GRID2: variants seen among roughly 807,000 people sequenced by gnomAD.
GRID2 encodes the protein glutamate receptor ionotropic, delta-2.
In GRID2, 33 loss-of-function variants were observed where a neutral mutation model predicts 114.8. The observed-to-expected ratio is 0.29, with a 90% CI of 0.22 to 0.38. GRID2 has a LOEUF of 0.38. Among genes scored for constraint, GRID2 ranks in the 10% least tolerant of loss-of-function variants. GRID2 has a pLI of 1.00. For synonymous variants in GRID2, 505 were observed against 449.9 expected, an observed-to-expected ratio of 1.12 and a Z score of -1.55; for missense variants, 1,184 against 1,257.7, an observed-to-expected ratio of 0.94 and a Z score of 0.89.
chr4:93,124,118 A>AAG (rs1491252886), intron 4 of GRID2, among the ~76,000 whole-genome samples: 1 of 49,798 alleles, frequency 2.0e-5, no homozygotes, highest in Non-Finnish European at 4.2e-5. Context: ...AAAAAAAAAG[A>AAG]AAAAAAAAAA....
chr4:92,554,561 G>C (rs1034549128), intron 1 of GRID2, among the ~76,000 whole-genome samples: 3 of 152,092 alleles, frequency 2.0e-5, no homozygotes, highest in Non-Finnish European at 4.4e-5. Context: ...TAATTTGCCT[G>C]TCATCATGAC....
chr4:92,883,116 C>T (rs1203081234), intron 2 of GRID2, among the ~76,000 whole-genome samples: 2 of 152,236 alleles, frequency 1.3e-5, no homozygotes, highest in Non-Finnish European at 2.9e-5. Context: ...AACTCCATCA[C>T]TGCCTTATCA....
intron 2 of GRID2, among the ~76,000 whole-genome samples, chr4:93,060,191 G>A (rs1333824774): frequency 6.6e-6 from 1 of 152,086 alleles, no homozygotes; most frequent in South Asian, 2.1e-4. Flanking sequence ...CAGTTAATGA[G>A]GTTAGCAGCA....
intron 2 of GRID2, among the ~76,000 whole-genome samples, chr4:92,627,315 C>T (rs1730573046): frequency 6.6e-6 from 1 of 152,028 alleles, no homozygotes; most frequent in Non-Finnish European, 1.5e-5. Flanking sequence ...CTATTTTTAA[C>T]TTAAATCTCT....
At chr4:93,163,779 T>C (rs1415929594) in intron 4 of GRID2, among the ~76,000 whole-genome samples, 2 of 151,914 alleles carry the variant, frequency 1.3e-5, no homozygotes, top group Admixed American at 6.6e-5. Context: ...GAAAATAAGT[T>C]TGGGCAGAAA....
intron 13 of GRID2, among the ~76,000 whole-genome samples, chr4:93,559,399 C>T (rs1278375199): frequency 1.3e-5 from 2 of 151,630 alleles, no homozygotes; most frequent in Non-Finnish European, 1.5e-5. Flanking sequence ...GGAAAAAACC[C>T]CATCAAAAAG....
At chr4:93,231,297 T>C (rs1211331321) in intron 7 of GRID2, among the ~76,000 whole-genome samples, 1 of 151,720 alleles carries the variant, frequency 6.6e-6, no homozygotes, top group Non-Finnish European at 1.5e-5. Flanking sequence ...TTCATTCATG[T>C]ATTAATCACT....
chr4:92,817,865 A>C (rs1741011180), intron 2 of GRID2, among the ~76,000 whole-genome samples: 1 of 152,064 alleles, frequency 6.6e-6, no homozygotes, highest in African/African-American at 2.4e-5. Context: ...ATTTAATGTA[A>C]GTTCTATGGC....
At chr4:93,166,607 A>G (rs1276092628) in intron 4 of GRID2, among the ~76,000 whole-genome samples, 1 of 152,156 alleles carries the variant, frequency 6.6e-6, no homozygotes, top group Non-Finnish European at 1.5e-5. Flanking sequence ...GTATAAAATG[A>G]AGATGTTTCA....
At chr4:93,088,737 T>C (rs887765982) in intron 3 of GRID2, among the ~76,000 whole-genome samples, 1 of 152,126 alleles carries the variant, frequency 6.6e-6, no homozygotes, top group Non-Finnish European at 1.5e-5. Flanking sequence ...ATCATGTCAT[T>C]TGATCTTCTC....
intron 7 of GRID2, among the ~76,000 whole-genome samples, chr4:93,231,971 C>T (rs1003536670): frequency 2.0e-5 from 3 of 152,026 alleles, no homozygotes; most frequent in African/African-American, 7.2e-5. Flanking sequence ...AACTAGCAGG[C>T]TTAGGATATA....
chr4:93,617,987 T>C (rs1050249995), intron 13 of GRID2, among the ~76,000 whole-genome samples: 3 of 138,412 alleles, frequency 2.2e-5, no homozygotes, highest in African/African-American at 1.0e-4. Flanking sequence ...CTACCCCCCC[T>C]AACCTTCTGT....
chr4:92,979,252 A>T (rs1206110139), intron 2 of GRID2, among the ~76,000 whole-genome samples: 1 of 152,010 alleles, frequency 6.6e-6, no homozygotes, highest in Non-Finnish European at 1.5e-5. Context: ...GGATACATTT[A>T]ACAATTACTA....
At chr4:92,925,743 T>A (rs1352280201) in intron 2 of GRID2, among the ~76,000 whole-genome samples, 1 of 151,978 alleles carries the variant, frequency 6.6e-6, no homozygotes, top group Non-Finnish European at 1.5e-5. Flanking sequence ...AAAGTTATAT[T>A]TGATAGTAAC....
chr4:92,889,238 C>T (rs1018069208), intron 2 of GRID2, among the ~76,000 whole-genome samples: 5 of 152,036 alleles, frequency 3.3e-5, no homozygotes, highest in Non-Finnish European at 5.9e-5. Flanking sequence ...ATACGTTCAC[C>T]ATTATAAAGA....
intron 13 of GRID2, among the ~76,000 whole-genome samples, chr4:93,542,034 A>C (rs1732703444): frequency 6.6e-6 from 1 of 152,200 alleles, no homozygotes. Context: ...TACTTTGCCC[A>C]ACTTGGGTCA....
At chr4:92,606,678 G>A (rs1367338221) in intron 2 of GRID2, among the ~76,000 whole-genome samples, 7 of 151,512 alleles carry the variant, frequency 4.6e-5, no homozygotes, top group Admixed American at 2.6e-4. Flanking sequence ...TTCCCCTTTC[G>A]TTGGCTGCAC....
chr4:92,581,782 G>A (rs1020161153), intron 1 of GRID2, among the ~76,000 whole-genome samples: 1 of 152,024 alleles, frequency 6.6e-6, no homozygotes, highest in Non-Finnish European at 1.5e-5. Context: ...ATTTAAAGGT[G>A]TCTGAATTAT....
intron 12 of GRID2, among the ~76,000 whole-genome samples, chr4:93,499,160 A>C (rs1236466185): frequency 6.6e-6 from 1 of 151,782 alleles, no homozygotes; most frequent in Non-Finnish European, 1.5e-5. Context: ...CTTTTTCTCC[A>C]AGTCTTGATT....
Sources: gnomAD v4.1 joint callset for allele counts (sites outside exome capture counted in the v4.1 genomes callset) on GRCh38, gnomAD v4.1.1 for gene constraint, MANE v1.5 for transcripts, NCBI Gene and HGNC (gene_info 2026-07-23, HGNC 2026-07-21) for gene names.